CEP192: variants seen among roughly 807,000 people sequenced by gnomAD.
CEP192 encodes the protein centrosomal protein of 192 kDa.
CEP192 carries 151 observed loss-of-function variants against 271.8 expected under a neutral mutation model. The observed-to-expected ratio is 0.56, with a 90% CI of 0.49 to 0.64. CEP192 has a LOEUF of 0.64. CEP192 is among the 30% of genes least tolerant of loss of function. The pLI is 0.00. For synonymous variants in CEP192, 995 were observed against 1,076.5 expected, an observed-to-expected ratio of 0.92 and a Z score of 1.48; for missense variants, 2,910 against 3,020.5, an observed-to-expected ratio of 0.96 and a Z score of 0.86.
At chr18:13,015,624 C>T (rs1479251435) in intron 6 of CEP192, among the ~76,000 whole-genome samples, 176 bp downstream of exon 6, 3 of 152,244 alleles carry the variant, frequency 2.0e-5, no homozygotes, top group African/African-American at 7.2e-5. Flanking sequence ...GAATTTATTT[C>T]TATATATCTA....
At chr18:13,002,169 C>T (rs2033689007) in intron 3 of CEP192, among the ~76,000 whole-genome samples, 2 of 152,008 alleles carry the variant, frequency 1.3e-5, no homozygotes, top group South Asian at 4.1e-4. Flanking sequence ...AGAGAACAGC[C>T]ATTGAGTACA....
At chr18:13,095,404 G>T (rs1408946501) in intron 34 of CEP192, 99 bp from the exon 35 acceptor site, 2 of 895,724 alleles carry the variant, frequency 2.2e-6, no homozygotes, top group Non-Finnish European at 3.5e-6. Context: ...GATTTATGAA[G>T]AATATAAAAA....
chr18:13,119,293 T>C (rs185469866), intron 44 of CEP192, among the ~76,000 whole-genome samples: 39 of 152,340 alleles, frequency 2.6e-4, no homozygotes, highest in Non-Finnish European at 5.7e-4. Flanking sequence ...CTTCCTCAGA[T>C]TGGTTCACAT....
intron 1 of CEP192, among the ~76,000 whole-genome samples, chr18:12,998,522 G>T (rs146155760): frequency 3.9e-5 from 6 of 152,246 alleles, no homozygotes; most frequent in African/African-American, 1.4e-4. Flanking sequence ...AAGATTTTCT[G>T]TGGATTCAGT....
intron 30 of CEP192, among the ~76,000 whole-genome samples, chr18:13,076,484 G>A (rs2038288739): frequency 6.6e-6 from 1 of 152,186 alleles, no homozygotes; most frequent in South Asian, 2.1e-4. Flanking sequence ...CCAAAGTGCT[G>A]GGATTACAGG....
chr18:13,000,091 C>CTCTCTCTTTTTTTT (rs1555698196), intron 2 of CEP192, among the ~76,000 whole-genome samples: 6 of 76,750 alleles, frequency 7.8e-5, no homozygotes, highest in African/African-American at 2.6e-4. Context: ...TGTCTTCTCT[C>CTCTCTCTTTTTTTT]TTTTTTTTTT....
intron 30 of CEP192, among the ~76,000 whole-genome samples, chr18:13,078,878 C>T (rs1417381293): frequency 6.6e-6 from 1 of 152,082 alleles, no homozygotes; most frequent in Non-Finnish European, 1.5e-5. Context: ...TGAGTGAGAA[C>T]ATGCGGTGTT....
intron 15 of CEP192, among the ~76,000 whole-genome samples, chr18:13,045,330 T>G (rs899538683): frequency 6.6e-6 from 1 of 152,226 alleles, no homozygotes; most frequent in African/African-American, 2.4e-5. Flanking sequence ...TTCCTGCTTT[T>G]TCAGCGGTGT....
intron 37 of CEP192, 43 bp downstream of exon 37, chr18:13,099,624 C>G: frequency 1.1e-6 from 1 of 900,150 alleles, no homozygotes; most frequent in Non-Finnish European, 1.7e-6. Context: ...AGTGACAATT[C>G]TGTTTGTAGC....
intron 30 of CEP192, among the ~76,000 whole-genome samples, chr18:13,084,566 C>T (rs1235520534): frequency 6.6e-6 from 1 of 152,178 alleles, no homozygotes; most frequent in East Asian, 1.9e-4. Context: ...AATCCCCCGA[C>T]CCCTTGTGCT....
At chr18:13,109,275 A>G (rs2040098030) in intron 40 of CEP192, among the ~76,000 whole-genome samples, 1 of 152,216 alleles carries the variant, frequency 6.6e-6, no homozygotes, top group Non-Finnish European at 1.5e-5. Flanking sequence ...CGATTATCCT[A>G]AATGAATTAA....
At chr18:13,030,935 T>C (rs2035584228) in intron 11 of CEP192, among the ~76,000 whole-genome samples, 1 of 152,190 alleles carries the variant, frequency 6.6e-6, no homozygotes, top group Admixed American at 6.5e-5. Flanking sequence ...AAAGGAAATG[T>C]CCTGATAAAT....
intron 26 of CEP192, 24 bp downstream of exon 26, chr18:13,069,205 A>G (rs775731571): frequency 6.4e-6 from 10 of 1,572,826 alleles, no homozygotes; most frequent in South Asian, 1.1e-5. Flanking sequence ...TGAGAGTGCC[A>G]TAAGATAGTC....
rs2034586334 is a variant in CEP192 at position 13,015,419 on chromosome 18, T to C, written c.611T>C (p.Ile204Thr). 3 of 1,551,438 alleles carry C rather than the reference T, an allele frequency of 1.9e-6. No homozygotes were observed. The highest frequency in any genetic ancestry group is 2.0e-5 in the Admixed American group (1 of 50,978). Residue 204 changes from isoleucine (I) to threonine (T), a missense_variant, in exon 6 of 45, where the codon ATC (isoleucine) becomes ACC (threonine). Coordinates refer to ENST00000506447, the MANE Select transcript of CEP192 (RefSeq NM_032142.4). Reference sequence around the variant, plus strand: ...AGCTTATTAGAAAATGAGAAACTTATCTTACCGACAAGCTTGGAAGATTCT... The same window carrying C: ...AGCTTATTAGAAAATGAGAAACTTACCTTACCGACAAGCTTGGAAGATTCT... ...HTSLLENEKL[I>T]LPTSLEDSSD...
chr18:12,996,564 C>T (rs2033257215), intron 1 of CEP192, among the ~76,000 whole-genome samples: 1 of 152,082 alleles, frequency 6.6e-6, no homozygotes, highest in African/African-American at 2.4e-5. Context: ...AAATTGAAGG[C>T]AATCACCCAG....
At chr18:13,028,098 C>G (rs1291387068) in intron 9 of CEP192, among the ~76,000 whole-genome samples, 1 of 152,118 alleles carries the variant, frequency 6.6e-6, no homozygotes, top group Non-Finnish European at 1.5e-5. Flanking sequence ...CTTCCTGGTT[C>G]TCCCGGCTTC....
rs2144699666 is a variant in CEP192 at position 13,087,637 on chromosome 18, A to T, written c.5984A>T (p.Gln1995Leu). 8 of 1,520,126 alleles carry T rather than the reference A, an allele frequency of 5.3e-6. No homozygotes were observed. Among genetic ancestry groups the T allele is most frequent in the African/African-American group, 4.2e-5 (3 of 71,732 alleles). The allele number at this position is 1,520,126 out of a possible 1,614,324, so 94.2% of individuals were successfully genotyped here. ...GGTGGAGATGAAATTTCAAGACAGC[A>T]GTATCGCAGGTAGATTACTTATCTT... ...LFGGDEISRQ[Q>L]YRRALLHKPE... is the part of the protein sequence containing the mutation. Residue 1995 changes from glutamine (Q) to leucine (L), a missense_variant, in exon 32 of 45, where the codon CAG (glutamine) becomes CTG (leucine). Physicochemically the swap from Gln to Leu is moderately radical, Grantham distance 113 (BLOSUM62 -2). Transcript: ENST00000506447.
At chr18:13,123,043 T>G (rs1045106640) in intron 44 of CEP192, among the ~76,000 whole-genome samples, 1 of 152,216 alleles carries the variant, frequency 6.6e-6, no homozygotes, top group Admixed American at 6.5e-5. Flanking sequence ...ATACTTAAAT[T>G]TTCAGGTTAA....
chr18:13,093,020 G>T (rs185609304), intron 34 of CEP192, among the ~76,000 whole-genome samples: 3 of 152,094 alleles, frequency 2.0e-5, no homozygotes, highest in Non-Finnish European at 4.4e-5. Context: ...TTAGCCAGGC[G>T]TGGTGGTGGG....
Sources: allele counts gnomAD v4.1 joint callset (sites outside exome capture counted in the v4.1 genomes callset), GRCh38; gene constraint gnomAD v4.1.1; transcripts MANE v1.5; gene names NCBI Gene and HGNC (gene_info 2026-07-23, HGNC 2026-07-21).